The following LDB3 variants were observed in gnomAD, a reference collection of about 807,000 sequenced individuals.
LDB3 encodes LIM domain-binding protein 3.
Under a neutral mutation model 69.0 loss-of-function variants are expected in LDB3, and 49 were observed. That is an observed-to-expected ratio of 0.71 (90% confidence interval 0.56 to 0.90). LDB3 has a LOEUF of 0.90. Ranked by LOEUF, LDB3 falls within the 40% of genes least tolerant of loss-of-function variation. LDB3 has a pLI of 0.00. For synonymous variants in LDB3, 387 were observed against 396.2 expected (o/e 0.98, Z 0.28); for missense variants, 928 against 974.1 (o/e 0.95, Z 0.63).
intron 12 of LDB3, among the ~76,000 whole-genome samples, chr10:86,719,649 C>T (rs1028048680): frequency 1.3e-5 from 2 of 152,132 alleles, no homozygotes; most frequent in Admixed American, 6.5e-5. Flanking sequence ...CCAGAGAAGG[C>T]GTGTAGAGCA....
chr10:86,716,511 A>G lies in LDB3; in HGVS notation c.1416A>G (p.Ala472=). The G allele has an allele frequency of 6.2e-7, 1 of 1,605,324 alleles. No homozygotes were observed. The highest frequency in any genetic ancestry group is 8.5e-7 in the Non-Finnish European group (1 of 1,177,346). The part of the protein sequence containing the change: ...TPSPAPNYNP[A]PSVAYSGGPA... ...CACCTGCCCCCAACTATAACCCTGC[A>G]CCCTCGGTGGCCTACAGCGGGGGCC... The change falls in exon 10 of 14, where the codon GCA becomes GCG. Residue 472 remains alanine, a synonymous_variant. Transcript: ENST00000361373.
chr10:86,734,961 CT>C lies in LDB3; in HGVS notation c.*1986del, dbSNP rs1337119993. 7.0e-6 allele frequency: 1 copy of C among 142,598 alleles called. No homozygotes were observed. Among genetic ancestry groups the C allele is most frequent in the Non-Finnish European group, 1.5e-5 (1 of 66,166 alleles). 8.8% of individuals were successfully genotyped at this position (142,598 alleles called of 1,614,324 possible). On this transcript the variant is annotated 3_prime_UTR_variant, in exon 14 of 14. Coordinates refer to ENST00000361373, the MANE Select transcript of LDB3 (RefSeq NM_007078.3). Reference sequence around the variant, plus strand: ...CTAAGTCATTTTCTCCAAAAACTATCTATTCAATTATCAGGGGCTGGTCTTG... The same window carrying C: ...CTAAGTCATTTTCTCCAAAAACTATCATTCAATTATCAGGGGCTGGTCTTG...
At chr10:86,692,171 T>C (rs1845796502) in intron 6 of LDB3, 106 bp downstream of exon 6, 1 of 1,315,946 alleles carries the variant, frequency 7.6e-7, no homozygotes, top group African/African-American at 1.5e-5. Flanking sequence ...TACCTGCCCT[T>C]GAAGGTGGGC....
chr10:86,716,506 C>A lies in LDB3; in HGVS notation c.1411C>A (p.Pro471Thr). The part of the protein sequence containing the change: ...YTPSPAPNYN[P>T]APSVAYSGGP... ...CCCCTCACCTGCCCCCAACTATAAC[C>A]CTGCACCCTCGGTGGCCTACAGCGG... Residue 471 changes from proline (P) to threonine (T), a missense_variant, in exon 10 of 14, where the codon CCT becomes ACT. Coordinates refer to ENST00000361373, the MANE Select transcript of LDB3 (RefSeq NM_007078.3). 1 of 1,612,802 alleles carries A rather than the reference C, an allele frequency of 6.2e-7. No individual in the cohort carries two copies. The highest frequency in any genetic ancestry group is 1.1e-5 in the South Asian group (1 of 90,994).
At chr10:86,688,467 G>A (rs891494948) in intron 5 of LDB3, among the ~76,000 whole-genome samples, 5 of 152,150 alleles carry the variant, frequency 3.3e-5, no homozygotes, top group African/African-American at 1.2e-4. Flanking sequence ...GGCCCTTTTG[G>A]AGATGCAGTA....
intron 4 of LDB3, 98 bp from the exon 5 acceptor site, chr10:86,681,318 CTTCAGGCTGCGGGGCTCGCG>C: frequency 6.7e-7 from 1 of 1,484,116 alleles, no homozygotes; most frequent in Non-Finnish European, 9.3e-7. Flanking sequence ...GCGCTCTGGG[CTTCAGGCTGCGGGGCTCGCG>C]CTAACACATC....
At chr10:86,721,889 A>T (rs747965647) in intron 12 of LDB3, among the ~76,000 whole-genome samples, 1 of 152,234 alleles carries the variant, frequency 6.6e-6, no homozygotes, top group African/African-American at 2.4e-5. Context: ...TTACAATAGC[A>T]ATAAAATCCA....
intron 7 of LDB3, among the ~76,000 whole-genome samples, chr10:86,705,512 G>C (rs1846409213): frequency 1.3e-5 from 2 of 152,178 alleles, no homozygotes; most frequent in Non-Finnish European, 2.9e-5. Context: ...CCATTTTACA[G>C]TTAGCAACCC....
At chr10:86,666,863 A>T (rs1304468526), upstream of LDB3, 1 of 465,320 alleles carries the variant, frequency 2.1e-6, no homozygotes, top group Non-Finnish European at 4.4e-6. Context: ...AGCCTCCCCC[A>T]GCTCCCTGGC....
intron 10 of LDB3, among the ~76,000 whole-genome samples, chr10:86,717,184 G>A (rs1846910199): frequency 1.3e-5 from 2 of 152,194 alleles, no homozygotes; most frequent in Non-Finnish European, 2.9e-5. Flanking sequence ...GCTGCTCAGG[G>A]GGTTGGTGGG....
chr10:86,703,265 C>T (rs143398269), intron 7 of LDB3, among the ~76,000 whole-genome samples: 100 of 152,280 alleles, frequency 6.6e-4, no homozygotes, highest in African/African-American at 2.3e-3. Context: ...CTGAGCCGTC[C>T]CAGGCCATAC....
At chr10:86,729,935 TC>T (rs563911990) in intron 13 of LDB3, among the ~76,000 whole-genome samples, 117 of 152,236 alleles carry the variant, frequency 7.7e-4, no homozygotes, top group African/African-American at 2.7e-3. Flanking sequence ...CTTTCTGTCT[TC>T]CCTAAAGCCC....
chr10:86,691,174 T>C (rs1438851645), intron 5 of LDB3, among the ~76,000 whole-genome samples: 1 of 152,184 alleles, frequency 6.6e-6, no homozygotes, highest in Non-Finnish European at 1.5e-5. Flanking sequence ...GCCAAGAGTT[T>C]TGTGCACCTA....
At chr10:86,724,059 C>T (rs1847174290) in intron 12 of LDB3, among the ~76,000 whole-genome samples, 4 of 152,062 alleles carry the variant, frequency 2.6e-5, no homozygotes, top group African/African-American at 9.7e-5. Flanking sequence ...GCCTGTAATC[C>T]CAGCACTTTG....
chr10:86,684,119 G>A (rs1023935489), intron 5 of LDB3, among the ~76,000 whole-genome samples: 2 of 152,248 alleles, frequency 1.3e-5, no homozygotes, highest in African/African-American at 4.8e-5. Context: ...AGAAACAGAT[G>A]TGGTGCAAGG....
intron 12 of LDB3, among the ~76,000 whole-genome samples, chr10:86,719,559 G>C (rs1009161747): frequency 1.3e-5 from 2 of 152,130 alleles, no homozygotes; most frequent in African/African-American, 4.8e-5. Context: ...TTGTAAACCT[G>C]AGCAAGTTAC....
intron 9 of LDB3, among the ~76,000 whole-genome samples, chr10:86,711,173 C>T (rs962993286): frequency 1.3e-5 from 2 of 152,196 alleles, no homozygotes; most frequent in East Asian, 3.9e-4. Flanking sequence ...GAGGCCTTGC[C>T]GGGGCACAAG....
At chr10:86,729,110 T>C (rs1451369616) in intron 13 of LDB3, among the ~76,000 whole-genome samples, 1 of 152,168 alleles carries the variant, frequency 6.6e-6, no homozygotes, top group Non-Finnish European at 1.5e-5. Flanking sequence ...AGCACATTCT[T>C]TAGACTAACT....
At chr10:86,727,936 G>A (rs541987850) in intron 13 of LDB3, among the ~76,000 whole-genome samples, 7 of 151,536 alleles carry the variant, frequency 4.6e-5, no homozygotes, top group African/African-American at 7.3e-5. Context: ...CTTCTTGCAC[G>A]TGAATTTTGT....
Sources: allele counts gnomAD v4.1 joint callset (sites outside exome capture counted in the v4.1 genomes callset), GRCh38; gene constraint gnomAD v4.1.1; transcripts MANE v1.5; gene names NCBI Gene and HGNC (gene_info 2026-07-23, HGNC 2026-07-21).